Variants in SPATS2L observed in about 807,000 individuals in gnomAD.
The protein encoded by SPATS2L is SPATS2-like protein.
In SPATS2L, 30 loss-of-function variants were observed where a neutral mutation model predicts 59.6. The ratio of observed to expected loss-of-function variants is 0.50; its 90% CI spans 0.38 to 0.68. SPATS2L has a LOEUF of 0.68. Ranked by LOEUF, SPATS2L falls within the 30% of genes least tolerant of loss-of-function variation. The pLI, the probability that SPATS2L is intolerant of heterozygous loss-of-function variation, is 0.00. For missense variants in SPATS2L, 615 were observed against 700.0 expected, an observed-to-expected ratio of 0.88 and a Z score of 1.37; for synonymous variants, 252 against 263.5, an observed-to-expected ratio of 0.96 and a Z score of 0.42.
chr2:200,481,027 C>T lies in SPATS2L; in HGVS notation c.*2996C>T, dbSNP rs2087763368. The T allele has an allele frequency of 6.6e-6, 1 of 152,128 alleles. No homozygotes were observed. 9.4% of individuals were successfully genotyped at this position (152,128 alleles called of 1,614,324 possible). A position where few individuals can be genotyped will look rare whatever the true frequency, so the allele number is the denominator to read the frequency against. On this transcript the variant is annotated 3_prime_UTR_variant, in exon 13 of 13. Transcript: ENST00000409140. ...AAGACTTCATCCGTGAAATCCACAC[C>T]TCCCTGTTGGGTTCCCAATTACATT...
chr2:200,316,538 C>T (rs1220453631), intron 1 of SPATS2L, among the ~76,000 whole-genome samples: 1 of 152,214 alleles, frequency 6.6e-6, no homozygotes, highest in Non-Finnish European at 1.5e-5. Context: ...TGAGGCTTAG[C>T]GACTTCGCGG....
chr2:200,446,672 C>T (rs1296351878), intron 8 of SPATS2L, among the ~76,000 whole-genome samples: 5 of 152,118 alleles, frequency 3.3e-5, no homozygotes, highest in African/African-American at 1.2e-4. Context: ...CCTGCCACCT[C>T]GGTTCTGCTG....
At chr2:200,361,317 C>G (rs1208305424) in intron 2 of SPATS2L, among the ~76,000 whole-genome samples, 1 of 152,110 alleles carries the variant, frequency 6.6e-6, no homozygotes, top group Non-Finnish European at 1.5e-5. Flanking sequence ...GGGAAATTGA[C>G]TGGGGGGAGA....
intron 6 of SPATS2L, among the ~76,000 whole-genome samples, chr2:200,427,761 T>A (rs956964197): frequency 6.6e-6 from 1 of 152,218 alleles, no homozygotes; most frequent in East Asian, 1.9e-4. Flanking sequence ...TTTTGGTCTC[T>A]GTTCCAAAGT....
chr2:200,332,163 AGAGG>A (rs960291615), intron 2 of SPATS2L, among the ~76,000 whole-genome samples: 35 of 878 alleles, frequency 0.04, 1 homozygote, highest in South Asian at 0.33. Context: ...TGAGAGAGAG[AGAGG>A]GAGAGGGAGA....
intron 10 of SPATS2L, among the ~76,000 whole-genome samples, chr2:200,469,564 T>C (rs1254314870): frequency 6.6e-6 from 1 of 152,224 alleles, no homozygotes; most frequent in Non-Finnish European, 1.5e-5. Flanking sequence ...GTTAATACCT[T>C]AGAAGGCACT....
chr2:200,470,327 C>T (rs939371513), intron 11 of SPATS2L, among the ~76,000 whole-genome samples: 7 of 152,172 alleles, frequency 4.6e-5, no homozygotes, highest in Non-Finnish European at 8.8e-5. Flanking sequence ...TTCAAACAGC[C>T]CTGGTTCTAC....
chr2:200,389,016 A>G (rs1011827807), intron 2 of SPATS2L, among the ~76,000 whole-genome samples: 1 of 152,230 alleles, frequency 6.6e-6, no homozygotes, highest in Non-Finnish European at 1.5e-5. Context: ...AGTATGAATA[A>G]AAGATTTTAC....
chr2:200,411,483 A>AT (rs34334566), intron 3 of SPATS2L, among the ~76,000 whole-genome samples: 78,577 of 152,082 alleles, frequency 0.52, 20,910 homozygotes, highest in Non-Finnish European at 0.59. Context: ...GTACTCTAGT[A>AT]TTCTCAGTAG....
intron 2 of SPATS2L, among the ~76,000 whole-genome samples, chr2:200,342,995 A>G (rs1003141661): frequency 1.3e-5 from 2 of 152,266 alleles, no homozygotes; most frequent in Non-Finnish European, 2.9e-5. Context: ...TGGTCTGACA[A>G]TACATTCTAC....
At chr2:200,355,607 G>T (rs963832500) in intron 2 of SPATS2L, among the ~76,000 whole-genome samples, 2 of 152,230 alleles carry the variant, frequency 1.3e-5, no homozygotes, top group African/African-American at 2.4e-5. Flanking sequence ...CTGGGAGTCA[G>T]AGAACTTGAT....
chr2:200,437,955 C>T (rs765805551), intron 6 of SPATS2L, among the ~76,000 whole-genome samples: 6 of 152,110 alleles, frequency 3.9e-5, no homozygotes, highest in Non-Finnish European at 5.9e-5. Context: ...AGAAAGCCAT[C>T]GAGCCAGACA....
chr2:200,318,015 A>T (rs561212046), intron 1 of SPATS2L, among the ~76,000 whole-genome samples: 9 of 152,174 alleles, frequency 5.9e-5, no homozygotes, highest in Non-Finnish European at 1.3e-4. Context: ...AATGATTTTG[A>T]TTGGAGGCAA....
intron 2 of SPATS2L, among the ~76,000 whole-genome samples, chr2:200,349,662 C>G (rs1319572253): frequency 1.3e-5 from 2 of 152,212 alleles, no homozygotes; most frequent in South Asian, 2.1e-4. Context: ...GTCAAAGACA[C>G]AGGCAAGAGT....
intron 1 of SPATS2L, among the ~76,000 whole-genome samples, chr2:200,322,314 T>A (rs1198275867): frequency 1.2e-4 from 19 of 152,204 alleles, no homozygotes. Context: ...TCCCCAGGAA[T>A]CAGGGTATTT....
rs1009113328 is a variant in SPATS2L at position 200,412,388 on chromosome 2, T to C, written c.117T>C (p.Asn39=). The C allele has an allele frequency of 6.2e-7, 1 of 1,608,466 alleles. No individual in the cohort carries two copies. Among genetic ancestry groups the C allele is most frequent in the Admixed American group, 1.7e-5 (1 of 59,564 alleles). ...TGGTGCTCCAACAGTTTGATTTTAA[T>C]GTGGATAAAGCCGTGCAAGCCTTTG... ...IVLVLQQFDF[N]VDKAVQAFVD... is the part of the protein sequence containing the mutation. Residue 39 remains asparagine, a synonymous_variant, in exon 4 of 13, where the codon AAT becomes AAC. Transcript: ENST00000409140.
rs954526274 is a variant in SPATS2L, at chr2:200,429,486, T to C, written c.446-9636T>C. 1.5e-4 allele frequency among the ~76,000 whole-genome samples: 23 copies of C among 152,118 alleles called. 1 individual carries two copies. Among genetic ancestry groups the C allele is most frequent in the Admixed American group, 1.4e-3 (21 of 15,276 alleles). On this transcript the variant is annotated intron_variant, in intron 6 of 12. Transcript: ENST00000409140. ...AGCCTTGTGGTGGTGAAGAAACTTG[T>C]CAAAGGGCACAGACTGAGCTCTTCT...
intron 1 of SPATS2L, among the ~76,000 whole-genome samples, chr2:200,312,178 C>T (rs10931899): frequency 0.4 from 60,431 of 151,998 alleles, 13,391 homozygotes; most frequent in East Asian, 0.72. Flanking sequence ...CCAGTGTGTT[C>T]CTGGATAGCA....
rs11884837 is a variant in SPATS2L at position 200,416,723 on chromosome 2, A to G, written c.198+295A>G. 4.9e-3 allele frequency among the ~76,000 whole-genome samples: 742 copies of G among 152,328 alleles called. 4 individuals are homozygous for G. Among genetic ancestry groups the G allele is most frequent in the African/African-American group, 0.017 (703 of 41,582 alleles). ...CCCAGCTGGAGAATTCAAAGGATTC[A>G]AAACATTAACTTGCCTGAACGTATC... On this transcript the variant is annotated intron_variant, in intron 5 of 12. Coordinates refer to ENST00000409140, the MANE Select transcript of SPATS2L (RefSeq NM_001100423.2).
Sources: allele counts gnomAD v4.1 joint callset (sites outside exome capture counted in the v4.1 genomes callset), GRCh38; gene constraint gnomAD v4.1.1; transcripts MANE v1.5; gene names NCBI Gene and HGNC (gene_info 2026-07-23, HGNC 2026-07-21).